The following TAFA1 variants were observed in gnomAD, a reference collection of about 807,000 sequenced individuals.
TAFA1 encodes TAFA chemokine like family member 1.
Under a neutral mutation model 18.5 loss-of-function variants are expected in TAFA1, and 4 were observed. The ratio of observed to expected loss-of-function variants is 0.22; its 90% CI spans 0.11 to 0.49. The LOEUF (loss-of-function observed/expected upper bound fraction) is 0.49, where lower values mean the gene tolerates loss of function less well. TAFA1 is among the 20% of genes least tolerant of loss of function. The pLI, the probability that TAFA1 is intolerant of heterozygous loss-of-function variation, is 0.98. For synonymous variants in TAFA1, 56 were observed against 55.2 expected (o/e 1.01, Z -0.06); for missense variants, 147 against 169.0 (o/e 0.87, Z 0.72).
chr3:68,375,078 A>G (rs72626995), intron 2 of TAFA1, among the ~76,000 whole-genome samples: 5,931 of 152,158 alleles, frequency 0.039, 145 homozygotes, highest in East Asian at 0.092. Context: ...AAATCTTTGT[A>G]TAAGAAGATT....
chr3:68,317,414 C>G (rs993195698), intron 2 of TAFA1, among the ~76,000 whole-genome samples: 5 of 152,132 alleles, frequency 3.3e-5, no homozygotes, highest in Non-Finnish European at 5.9e-5. Context: ...GGCTAAAGAA[C>G]CAACTTTCAT....
At chr3:68,252,262 G>A (rs1166168693) in intron 2 of TAFA1, among the ~76,000 whole-genome samples, 1 of 152,076 alleles carries the variant, frequency 6.6e-6, no homozygotes, top group Non-Finnish European at 1.5e-5. Flanking sequence ...TTTGTCTCAA[G>A]TCTTGTCTGC....
At chr3:68,494,356 G>T (rs776947447) in intron 3 of TAFA1, among the ~76,000 whole-genome samples, 1 of 152,136 alleles carries the variant, frequency 6.6e-6, no homozygotes, top group Non-Finnish European at 1.5e-5. Context: ...GTAAAATAGG[G>T]ATAGTAACAA....
intron 3 of TAFA1, among the ~76,000 whole-genome samples, chr3:68,503,150 T>A (rs963804570): frequency 6.6e-6 from 1 of 152,108 alleles, no homozygotes; most frequent in African/African-American, 2.4e-5. Flanking sequence ...TGAGTCGAAA[T>A]GCAGATGAAC....
chr3:68,022,841 A>G (rs1049864411), intron 2 of TAFA1, among the ~76,000 whole-genome samples: 2 of 16,154 alleles, frequency 1.2e-4, no homozygotes, highest in African/African-American at 1.8e-4. Flanking sequence ...ATATATATAT[A>G]TTATATATAT....
At chr3:68,114,758 T>C (rs190462770) in intron 2 of TAFA1, among the ~76,000 whole-genome samples, 2 of 152,320 alleles carry the variant, frequency 1.3e-5, no homozygotes, top group Admixed American at 1.3e-4. Context: ...ATATGAGTGT[T>C]CATATCAGTA....
chr3:68,326,972 C>G (rs1907592), intron 2 of TAFA1, among the ~76,000 whole-genome samples: 9,220 of 152,182 alleles, frequency 0.061, 387 homozygotes, highest in African/African-American at 0.12. Context: ...TTGTAGCTCC[C>G]GTAATTCCAA....
chr3:68,440,113 A>C (rs1053783854), intron 3 of TAFA1, among the ~76,000 whole-genome samples: 2 of 151,558 alleles, frequency 1.3e-5, no homozygotes, highest in Non-Finnish European at 2.9e-5. Context: ...ACTGGGTGGG[A>C]GGTGATTGAG....
At chr3:68,166,011 G>A (rs1046447387) in intron 2 of TAFA1, among the ~76,000 whole-genome samples, 5 of 152,140 alleles carry the variant, frequency 3.3e-5, no homozygotes, top group African/African-American at 4.8e-5. Context: ...AACCTTGAAC[G>A]GTCTATAGGA....
At chr3:68,142,619 C>T (rs373905886) in intron 2 of TAFA1, among the ~76,000 whole-genome samples, 4 of 152,306 alleles carry the variant, frequency 2.6e-5, no homozygotes, top group African/African-American at 9.6e-5. Context: ...AGGAAGTTGG[C>T]AAAACCTCCT....
At chr3:68,381,020 A>G (rs1446165219) in intron 2 of TAFA1, among the ~76,000 whole-genome samples, 1 of 141,758 alleles carries the variant, frequency 7.1e-6, no homozygotes, top group African/African-American at 2.7e-5. Context: ...CATTTATTAA[A>G]TAAGGAATCC....
At chr3:68,190,708 G>T (rs550677100) in intron 2 of TAFA1, among the ~76,000 whole-genome samples, 38 of 151,888 alleles carry the variant, frequency 2.5e-4, no homozygotes, top group African/African-American at 8.9e-4. Context: ...TATGTGTTTT[G>T]GGAGGAGTTT....
At chr3:68,368,713 AAC>A (rs780243966) in intron 2 of TAFA1, among the ~76,000 whole-genome samples, 10 of 152,142 alleles carry the variant, frequency 6.6e-5, no homozygotes, top group Non-Finnish European at 1.5e-4. Context: ...TGGGAAGGGG[AAC>A]CCAAAATAAA....
intron 2 of TAFA1, among the ~76,000 whole-genome samples, chr3:68,326,044 A>C (rs944513190): frequency 2.0e-5 from 3 of 152,210 alleles, no homozygotes; most frequent in Non-Finnish European, 2.9e-5. Context: ...TTGAAATAGA[A>C]TACATTAGAA....
chr3:68,531,636 C>G (rs558392762), intron 3 of TAFA1, among the ~76,000 whole-genome samples: 2 of 152,124 alleles, frequency 1.3e-5, no homozygotes, highest in African/African-American at 2.4e-5. Flanking sequence ...TCTTAGAGCA[C>G]GTGCTTGAAC....
At chr3:68,050,651 A>G (rs1345568966) in intron 2 of TAFA1, among the ~76,000 whole-genome samples, 1 of 152,136 alleles carries the variant, frequency 6.6e-6, no homozygotes, top group Non-Finnish European at 1.5e-5. Context: ...ATAGGGCTGG[A>G]TTCAAGTTCT....
chr3:68,468,974 T>C (rs759648894), intron 3 of TAFA1, among the ~76,000 whole-genome samples: 88 of 152,232 alleles, frequency 5.8e-4, no homozygotes, highest in Non-Finnish European at 1.0e-3. Context: ...GGTTGGTTCA[T>C]TGGAAAGTCC....
At chr3:68,528,030 G>A (rs1287265183) in intron 3 of TAFA1, among the ~76,000 whole-genome samples, 1 of 152,088 alleles carries the variant, frequency 6.6e-6, no homozygotes, top group African/African-American at 2.4e-5. Context: ...ATCCTCTAAA[G>A]AAATACAATT....
chr3:67,999,241 G>GCT, the TAFA1 span, among the ~76,000 whole-genome samples: 247 of 114,642 alleles, frequency 2.2e-3, 2 homozygotes, highest in African/African-American at 4.7e-3. Flanking sequence ...CTTGAATAGT[G>GCT]CTCTCTCTCT....
Sources: allele counts gnomAD v4.1 joint callset (sites outside exome capture counted in the v4.1 genomes callset), GRCh38; gene constraint gnomAD v4.1.1; transcripts MANE v1.5; gene names NCBI Gene and HGNC (gene_info 2026-07-23, HGNC 2026-07-21).